Variants in SPATA18 observed in about 807,000 individuals in gnomAD.
The protein encoded by SPATA18 is mitochondria-eating protein.
In SPATA18, 54 loss-of-function variants were observed where a neutral mutation model predicts 68.1. That is an observed-to-expected ratio of 0.79 (90% CI 0.64 to 0.99). The LOEUF is 0.99. Among genes scored for constraint, SPATA18 ranks in the 50% least tolerant of loss-of-function variants. The pLI, the probability that SPATA18 is intolerant of heterozygous loss-of-function variation, is 0.00. For synonymous variants in SPATA18, 242 were observed against 244.8 expected (o/e 0.99, Z 0.11); for missense variants, 724 against 681.1 (o/e 1.06, Z -0.70).
At chr4:52,091,381 G>A (rs1225252875) in intron 11 of SPATA18, among the ~76,000 whole-genome samples, 2 of 152,100 alleles carry the variant, frequency 1.3e-5, no homozygotes, top group East Asian at 3.9e-4. Flanking sequence ...CTGGTTTTTG[G>A]AATTTTCAGC....
At position 52,084,907 on chromosome 4, in the gene SPATA18, T is replaced by A. The variant is rs185598601; in HGVS notation, c.1480-9T>A. 1.1e-4 allele frequency: 177 copies of A among 1,613,572 alleles called. No individual in the cohort carries two copies. The highest frequency in any genetic ancestry group is 3.8e-4 in the Admixed American group (23 of 59,970). ...GACTATGTCTCTCTCTTTCTCTCTC[T>A]TTTTTAAGTGGAATTCGGTGCGATC... is the stretch of plus-strand genomic sequence containing the variant. On this transcript the variant is annotated splice_polypyrimidine_tract_variant and intron_variant, in intron 10 of 12. Transcript: ENST00000295213.
At chr4:52,074,276 AT>A (rs1198316258) in intron 6 of SPATA18, among the ~76,000 whole-genome samples, 1 of 152,180 alleles carries the variant, frequency 6.6e-6, no homozygotes, top group Non-Finnish European at 1.5e-5. Flanking sequence ...AGTTTAAATA[AT>A]TTTTAGCAGT....
chr4:52,083,454 A>G (rs1406428437), intron 10 of SPATA18: 1 of 985,298 alleles, frequency 1.0e-6, no homozygotes, highest in Non-Finnish European at 1.2e-6. Context: ...TTGTTCCATA[A>G]ATGTTGAGCC....
intron 11 of SPATA18, among the ~76,000 whole-genome samples, chr4:52,090,946 C>T (rs920320031): frequency 3.3e-5 from 5 of 152,110 alleles, no homozygotes; most frequent in Non-Finnish European, 7.3e-5. Context: ...TAGATTTGGT[C>T]TTTTAACATA....
chr4:52,056,109 C>T (rs1486710454), intron 1 of SPATA18, among the ~76,000 whole-genome samples: 1 of 152,134 alleles, frequency 6.6e-6, no homozygotes, highest in Non-Finnish European at 1.5e-5. Context: ...CAGACCACTT[C>T]TGACATAGCA....
At chr4:52,062,360 C>G (rs1404761521) in intron 4 of SPATA18, 28 bp downstream of exon 4, 2 of 1,436,970 alleles carry the variant, frequency 1.4e-6, no homozygotes, top group Non-Finnish European at 1.9e-6. Context: ...TATCTTTTTC[C>G]AAAAAGAATT....
At chr4:52,052,236 G>A (rs1281000694) in intron 1 of SPATA18, among the ~76,000 whole-genome samples, 1 of 152,176 alleles carries the variant, frequency 6.6e-6, no homozygotes, top group Non-Finnish European at 1.5e-5. Flanking sequence ...GTTTGTATCA[G>A]AATGGATTTG....
At chr4:52,081,046 G>T (rs542850811) in intron 9 of SPATA18, among the ~76,000 whole-genome samples, 1 of 152,220 alleles carries the variant, frequency 6.6e-6, no homozygotes, top group Non-Finnish European at 1.5e-5. Flanking sequence ...ACTCATGGAA[G>T]AGCTGATACT....
chr4:52,084,800 G>C, intron 10 of SPATA18, 116 bp from the exon 11 acceptor site: 1 of 958,728 alleles, frequency 1.0e-6, no homozygotes, highest in Non-Finnish European at 1.6e-6. Flanking sequence ...TCAGTAATGG[G>C]CAAGTGTAAT....
chr4:52,069,217 A>G (rs1005891139), intron 4 of SPATA18, among the ~76,000 whole-genome samples: 1 of 152,144 alleles, frequency 6.6e-6, no homozygotes, highest in African/African-American at 2.4e-5. Context: ...ATTTATTATG[A>G]TTTGTCTACC....
At chr4:52,079,099 G>A (rs1187495454) in intron 8 of SPATA18, among the ~76,000 whole-genome samples, 2 of 152,176 alleles carry the variant, frequency 1.3e-5, no homozygotes, top group Non-Finnish European at 2.9e-5. Flanking sequence ...AAATGTCTGA[G>A]TTTCTTTAGA....
chr4:52,094,477 T>A (rs1742255484), intron 11 of SPATA18, 50 bp from the exon 12 acceptor site: 1 of 1,577,094 alleles, frequency 6.3e-7, no homozygotes, highest in Non-Finnish European at 8.7e-7. Flanking sequence ...GAATTCATCC[T>A]TTGAGCTCCG....
intron 6 of SPATA18, among the ~76,000 whole-genome samples, chr4:52,073,814 T>C (rs1383600703): frequency 2.0e-5 from 3 of 152,202 alleles, no homozygotes; most frequent in Non-Finnish European, 2.9e-5. Context: ...TTTGGCTTGT[T>C]TGAAAATTTC....
intron 1 of SPATA18, among the ~76,000 whole-genome samples, chr4:52,053,955 C>A (rs528353077): frequency 6.6e-6 from 1 of 152,362 alleles, no homozygotes; most frequent in East Asian, 1.9e-4. Flanking sequence ...CAAAGTCCTA[C>A]ACAATTGTGC....
intron 11 of SPATA18, among the ~76,000 whole-genome samples, chr4:52,092,226 T>C (rs1404353346): frequency 6.6e-6 from 1 of 152,056 alleles, no homozygotes; most frequent in Non-Finnish European, 1.5e-5. Flanking sequence ...CGGTTCTGTT[T>C]TGCTGGTGTT....
intron 6 of SPATA18, among the ~76,000 whole-genome samples, chr4:52,076,275 TGAG>T (rs1740335039): frequency 6.6e-6 from 1 of 152,036 alleles, no homozygotes; most frequent in Non-Finnish European, 1.5e-5. Context: ...ACACCAGACT[TGAG>T]GAGGTAGGAA....
intron 12 of SPATA18, 27 bp downstream of exon 12, chr4:52,094,599 A>G: frequency 6.2e-7 from 1 of 1,611,388 alleles, no homozygotes; most frequent in Non-Finnish European, 8.5e-7. Context: ...CAGATGGATC[A>G]AATTTTCTGC....
intron 1 of SPATA18, 136 bp from the exon 2 acceptor site, chr4:52,060,282 TG>T: frequency 1.6e-6 from 1 of 623,630 alleles, no homozygotes; most frequent in Non-Finnish European, 2.9e-6. Flanking sequence ...AGATAGGTTT[TG>T]GTGACTACAC....
intron 11 of SPATA18, among the ~76,000 whole-genome samples, chr4:52,090,103 C>T (rs1198811627): frequency 6.6e-6 from 1 of 152,014 alleles, no homozygotes; most frequent in Non-Finnish European, 1.5e-5. Flanking sequence ...GGATTGCAAC[C>T]CCTGCTTTTT....
Sources: allele counts gnomAD v4.1 joint callset (sites outside exome capture counted in the v4.1 genomes callset), GRCh38; gene constraint gnomAD v4.1.1; transcripts MANE v1.5; gene names NCBI Gene and HGNC (gene_info 2026-07-23, HGNC 2026-07-21).